HMCN2: variants seen among roughly 807,000 people sequenced by gnomAD.
HMCN2 encodes hemicentin 2, also known as hemicentin-2.
In HMCN2, 325 loss-of-function variants were observed where a neutral mutation model predicts 377.5. The observed-to-expected ratio is 0.86, with a 90% CI of 0.79 to 0.94. The LOEUF (loss-of-function observed/expected upper bound fraction) is 0.94. HMCN2 is among the 40% of genes least tolerant of loss of function. The pLI is 0.00. For synonymous variants in HMCN2, 2,007 were observed against 2,046.8 expected, an observed-to-expected ratio of 0.98 and a Z score of 0.53; for missense variants, 4,543 against 4,725.3, an observed-to-expected ratio of 0.96 and a Z score of 1.13.
At chr9:130,388,347 C>G (rs1206993377) in intron 61 of HMCN2, 62 bp from the exon 62 acceptor site, 2 of 985,188 alleles carry the variant, frequency 2.0e-6, no homozygotes, top group African/African-American at 3.5e-5. Flanking sequence ...CCTGATCTGC[C>G]TGAGGGGAAG....
intron 23 of HMCN2, among the ~76,000 whole-genome samples, chr9:130,340,419 C>T (rs1480994645): frequency 6.6e-6 from 1 of 152,236 alleles, no homozygotes; most frequent in African/African-American, 2.4e-5. Flanking sequence ...GAGCCACCTC[C>T]GCACATGCTG....
intron 22 of HMCN2, among the ~76,000 whole-genome samples, chr9:130,329,439 CTTTTTT>C (rs869081836): frequency 1.9e-5 from 2 of 105,830 alleles, no homozygotes; most frequent in African/African-American, 7.6e-5. Context: ...AATAGCCTCA[CTTTTTT>C]TTTTTTTTTT....
intron 85 of HMCN2, 101 bp downstream of exon 85, chr9:130,410,753 A>G: frequency 1.1e-6 from 1 of 935,050 alleles, no homozygotes; most frequent in Non-Finnish European, 1.7e-6. Context: ...GGGACTTGGA[A>G]TTCTTTCATT....
chr9:130,282,849 T>A (rs1835199182), intron 1 of HMCN2, among the ~76,000 whole-genome samples: 1 of 152,136 alleles, frequency 6.6e-6, no homozygotes. Context: ...GGTGGGAGCA[T>A]CACTTGAGGT....
Position 130,391,524 on chromosome 9 carries a change from C to T in HMCN2, c.9902C>T (p.Ala3301Val). Residue 3301 changes from alanine to valine, a missense_variant, in exon 65 of 98, where the codon GCC becomes GTC. Around this residue, in one of 5 missense-constraint regions of HMCN2, gnomAD observed 1,073 missense variants for 1,319.5 expected, o/e 0.81. Transcript: ENST00000683500. ...GACGCGGGTGCCTACACCTGCGTGG[C>T]CCACAACCCAGCCGGGGAGGACGCC... ...ASDAGAYTCV[A>V]HNPAGEDARL... 1.0e-6 allele frequency: 1 copy of T among 987,800 alleles called. No individual in the cohort carries two copies. Among genetic ancestry groups the T allele is most frequent in the Non-Finnish European group, 1.2e-6 (1 of 830,140 alleles). The allele number at this position is 987,800 out of a possible 1,614,324, so 61.2% of individuals were successfully genotyped here. A position where few individuals can be genotyped will look rare whatever the true frequency, so the allele number is the denominator to read the frequency against.
Position 130,385,712 on chromosome 9 carries a change from C to T in HMCN2, c.9259C>T (p.Arg3087Trp), listed in dbSNP as rs534248976. Residue 3087 changes from arginine (R) to tryptophan (W), a missense_variant, in exon 60 of 98, where the codon CGG becomes TGG. Arg to Trp is a moderately radical substitution (Grantham distance 101). Transcript: ENST00000683500. ...TGGGCAGCCCCTGGTCCTGGCACAG[C>T]GGACCCAGGCTCTGCGGGGTGGGCA... is the stretch of plus-strand genomic sequence containing the variant. ...KDGQPLVLAQ[R>W]TQALRGGQRL... 5.0e-5 allele frequency: 65 copies of T among 1,304,162 alleles called. No individual in the cohort carries two copies. Among genetic ancestry groups the T allele is most frequent in the Middle Eastern group, 2.1e-4 (1 of 4,698 alleles). 80.8% of individuals were successfully genotyped at this position (1,304,162 alleles called of 1,614,324 possible).
chr9:130,432,600 A>AT (rs369439130), intron 97 of HMCN2, 45 bp downstream of exon 97: 18,693 of 1,538,736 alleles, frequency 0.012, 148 homozygotes, highest in Non-Finnish European at 0.015. Flanking sequence ...GGAAAAGCAC[A>AT]TTTTTCAGTC....
Position 130,408,893 on chromosome 9 carries a change from A to T in HMCN2, c.12839A>T (p.His4280Leu), listed in dbSNP as rs1401410241. ...CCACTGCGGGGCAGCCACCTCCGGC[A>T]CCAGCTGCAGAATGGCTCGCTGACC... is the stretch of plus-strand genomic sequence containing the variant. The part of the protein sequence containing the change: ...GLPLRGSHLR[H>L]QLQNGSLTIR... The change falls in exon 84 of 98, where the codon CAC (histidine) becomes CTC (leucine). Residue 4280 changes from histidine to leucine, a missense_variant. Around this residue, in one of 5 missense-constraint regions of HMCN2, gnomAD observed 1,155 missense variants for 1,157.7 expected, o/e 1.00. Coordinates refer to ENST00000683500, the MANE Select transcript of HMCN2 (RefSeq NM_001291815.2). 2 of 1,289,560 alleles carry T rather than the reference A, an allele frequency of 1.6e-6. No individual in the cohort carries two copies. 79.9% of individuals were successfully genotyped at this position (1,289,560 alleles called of 1,614,324 possible).
chr9:130,331,655 T>A (rs1237578852), intron 22 of HMCN2, among the ~76,000 whole-genome samples: 1 of 152,102 alleles, frequency 6.6e-6, no homozygotes, highest in Non-Finnish European at 1.5e-5. Context: ...AATGAAAGGG[T>A]TGGACAGGCG....
intron 1 of HMCN2, among the ~76,000 whole-genome samples, chr9:130,278,448 A>G (rs1834920409): frequency 6.6e-6 from 1 of 151,282 alleles, no homozygotes; most frequent in African/African-American, 2.4e-5. Context: ...TGGAGGCAGT[A>G]TAGTCAGTGG....
intron 85 of HMCN2, among the ~76,000 whole-genome samples, chr9:130,416,096 C>CTT (rs1554972499): frequency 7.6e-5 from 7 of 91,922 alleles, no homozygotes; most frequent in South Asian, 1.1e-3. Context: ...GTTCTAGAGG[C>CTT]TTTATTTTTT....
chr9:130,395,986 G>C lies in HMCN2; in HGVS notation c.10974G>C (p.Thr3658=), dbSNP rs972374502. The C allele has an allele frequency of 7.8e-6, 10 of 1,287,480 alleles. No individual in the cohort carries two copies. Among genetic ancestry groups the C allele is most frequent in the Non-Finnish European group, 8.1e-6 (8 of 988,762 alleles). 79.8% of individuals were successfully genotyped at this position (1,287,480 alleles called of 1,614,324 possible). A position where few individuals can be genotyped will look rare whatever the true frequency, so the allele number is the denominator to read the frequency against. Residue 3658 remains threonine, a synonymous_variant, in exon 72 of 98, where the codon ACG becomes ACC. Coordinates refer to ENST00000683500, the MANE Select transcript of HMCN2 (RefSeq NM_001291815.2). ...GRFLQLQALS[T]ADSGDYSCTA... is the part of the protein sequence containing the mutation. ...TCCTCCAGCTGCAGGCCCTGAGCAC[G>C]GCTGACAGCGGCGACTACAGCTGCA...
intron 31 of HMCN2, among the ~76,000 whole-genome samples, chr9:130,354,316 G>A (rs942559829): frequency 4.6e-5 from 7 of 152,116 alleles, no homozygotes; most frequent in African/African-American, 1.4e-4. Flanking sequence ...TAAGTTAGGA[G>A]CCCCCCAATC....
intron 1 of HMCN2, among the ~76,000 whole-genome samples, chr9:130,279,693 T>G (rs929997210): frequency 3.3e-5 from 5 of 152,164 alleles, no homozygotes; most frequent in Admixed American, 1.3e-4. Flanking sequence ...GTGGTCAAAT[T>G]GACTTTTCTG....
intron 66 of HMCN2, among the ~76,000 whole-genome samples, chr9:130,392,974 T>A (rs1031051283): frequency 6.7e-6 from 1 of 149,864 alleles, no homozygotes; most frequent in East Asian, 2.0e-4. Flanking sequence ...CCAGCCTGGG[T>A]GACAGAGTGA....
chr9:130,357,931 A>G lies in HMCN2; in HGVS notation c.5523A>G (p.Pro1841=). 7.7e-7 allele frequency: 1 copy of G among 1,304,176 alleles called. No individual in the cohort carries two copies. 80.8% of individuals were successfully genotyped at this position (1,304,176 alleles called of 1,614,324 possible). ...GCATAGGGGATGGGGTGCCCACCCC[A>G]AGCCTCCGTTGGTGGAAGGATGGTG... The part of the protein sequence containing the change: ...LQCIGDGVPT[P]SLRWWKDGVA... The change falls in exon 35 of 98, where the codon CCA becomes CCG. Residue 1841 remains proline, a synonymous_variant. Transcript: ENST00000683500.
chr9:130,366,095 T>TG lies in HMCN2; in HGVS notation c.6625+107dup, dbSNP rs527322066. The TG allele has an allele frequency of 1.1e-4, 98 of 898,994 alleles. 1 individual carries two copies. The South Asian group carries it at 3.5e-3, about 33-fold the overall frequency. 55.7% of individuals were successfully genotyped at this position (898,994 alleles called of 1,614,324 possible). A position where few individuals can be genotyped will look rare whatever the true frequency, so the allele number is the denominator to read the frequency against. On this transcript the variant is annotated intron_variant, in intron 43 of 97. Transcript: ENST00000683500. ...CCCCCACCCCAGAGCCTAGCTGAGATGGGGGGGTCTTATACCTCGAGGGGG... is the reference window on the plus strand; with the variant it reads ...CCCCCACCCCAGAGCCTAGCTGAGATGGGGGGGGTCTTATACCTCGAGGGGG...
intron 85 of HMCN2, among the ~76,000 whole-genome samples, chr9:130,416,010 G>A (rs967616384): frequency 1.3e-5 from 2 of 152,080 alleles, no homozygotes; most frequent in African/African-American, 4.8e-5. Flanking sequence ...TAAAACCACT[G>A]TGATGGTCAC....
Position 130,353,310 on chromosome 9 carries a change from G to A in HMCN2, c.4864+105G>A. On this transcript the variant is annotated intron_variant, in intron 31 of 97. Coordinates refer to ENST00000683500, the MANE Select transcript of HMCN2 (RefSeq NM_001291815.2). ...GAAGGCTAGGTGGCCACTTGGAGTG[G>A]TCAGAGGCAAAAGGATAATGGGACC... 4 of 1,027,570 alleles carry A rather than the reference G, an allele frequency of 3.9e-6. No individual in the cohort carries two copies. The South Asian group carries it at 4.5e-5, about 12-fold the overall frequency. 63.7% of individuals were successfully genotyped at this position (1,027,570 alleles called of 1,614,324 possible). A position where few individuals can be genotyped will look rare whatever the true frequency, so the allele number is the denominator to read the frequency against.
Sources: allele counts gnomAD v4.1 joint callset (sites outside exome capture counted in the v4.1 genomes callset), GRCh38; gene constraint gnomAD v4.1.1; regional missense constraint gnomAD v4.1.1; transcripts MANE v1.5; gene names NCBI Gene and HGNC (gene_info 2026-07-23, HGNC 2026-07-21).